ARHGEF7: variants seen among roughly 807,000 people sequenced by gnomAD.
ARHGEF7 encodes Rho guanine nucleotide exchange factor 7.
ARHGEF7 carries 33 observed loss-of-function variants against 109.8 expected under a neutral mutation model. The ratio of observed to expected loss-of-function variants is 0.30; its 90% CI spans 0.23 to 0.40. The LOEUF is 0.40. Among genes scored for constraint, ARHGEF7 ranks in the 10% least tolerant of loss-of-function variants. The pLI is 1.00. For synonymous variants in ARHGEF7, 458 were observed against 424.6 expected, an observed-to-expected ratio of 1.08 and a Z score of -0.97; for missense variants, 938 against 1,098.5, an observed-to-expected ratio of 0.85 and a Z score of 2.07.
intron 19 of ARHGEF7, chr13:111,294,115 A>T: frequency 2.0e-6 from 2 of 985,420 alleles, no homozygotes; most frequent in Non-Finnish European, 2.4e-6. Flanking sequence ...CCCAGTGTTA[A>T]TCTCCGGCAG....
intron 2 of ARHGEF7, among the ~76,000 whole-genome samples, chr13:111,199,327 T>C (rs1022727044): frequency 6.6e-6 from 1 of 152,216 alleles, no homozygotes; most frequent in Admixed American, 6.5e-5. Context: ...TGGGTCAATA[T>C]CAGCTCTTAG....
chr13:111,118,423 A>C (rs1031380893), intron 1 of ARHGEF7, among the ~76,000 whole-genome samples: 1 of 152,342 alleles, frequency 6.6e-6, no homozygotes, highest in Middle Eastern at 3.4e-3. Context: ...GAAAAGAGAC[A>C]CTTTTCATTA....
chr13:111,154,017 G>C, intron 2 of ARHGEF7, 26 bp downstream of exon 2: 1 of 1,586,126 alleles, frequency 6.3e-7, no homozygotes, highest in Non-Finnish European at 8.5e-7. Context: ...CACGGGCCGA[G>C]GGAGGGGCCG....
chr13:111,125,211 A>G (rs2067478607), intron 1 of ARHGEF7, among the ~76,000 whole-genome samples: 1 of 152,116 alleles, frequency 6.6e-6, no homozygotes, highest in African/African-American at 2.4e-5. Context: ...AAAGAGAGAG[A>G]GTGAGAATAT....
At chr13:111,232,309 ACTGT>A (rs1235670796) in intron 5 of ARHGEF7, among the ~76,000 whole-genome samples, 1 of 152,082 alleles carries the variant, frequency 6.6e-6, no homozygotes, top group Non-Finnish European at 1.5e-5. Context: ...AGACACAGAC[ACTGT>A]CTGTAGAACT....
intron 2 of ARHGEF7, among the ~76,000 whole-genome samples, chr13:111,164,259 C>T (rs756110145): frequency 6.6e-5 from 10 of 152,222 alleles, no homozygotes; most frequent in African/African-American, 1.4e-4. Context: ...TCACAGGTCC[C>T]GGCTCAGCCA....
rs562086594 is a variant in ARHGEF7, at chr13:111,278,221, C to T, written c.1506+548C>T. On this transcript the variant is annotated intron_variant, in intron 13 of 21. Coordinates refer to ENST00000646102, the MANE Select transcript of ARHGEF7 (RefSeq NM_001354046.2). ...GAAGGAGGTGCAAGGGTGAGCAGGG[C>T]CTTTTCTGTTGCGACAGTGGTTTAT... Among the ~76,000 whole-genome samples the T allele has an allele frequency of 7.9e-5, 12 of 152,264 alleles. No homozygotes were observed. In the South Asian group the frequency reaches 2.3e-3, roughly 29 times the overall value.
At chr13:111,247,303 C>T (rs951236191) in intron 8 of ARHGEF7, among the ~76,000 whole-genome samples, 2 of 150,110 alleles carry the variant, frequency 1.3e-5, no homozygotes, top group Non-Finnish European at 3.0e-5. Context: ...GAATCTTGCT[C>T]TGTTGCCCAG....
chr13:111,180,647 A>G (rs2078644991), intron 2 of ARHGEF7, among the ~76,000 whole-genome samples: 1 of 152,206 alleles, frequency 6.6e-6, no homozygotes, highest in African/African-American at 2.4e-5. Context: ...AGTGTCTAAC[A>G]TTTACTAGGT....
chr13:111,196,001 C>G (rs1392894167), intron 2 of ARHGEF7, among the ~76,000 whole-genome samples: 1 of 152,188 alleles, frequency 6.6e-6, no homozygotes, highest in East Asian at 1.9e-4. Context: ...GCTTTTGGAG[C>G]TTTCTCCTGA....
chr13:111,263,326 G>A (rs1368965794), intron 8 of ARHGEF7, among the ~76,000 whole-genome samples: 1 of 152,198 alleles, frequency 6.6e-6, no homozygotes, highest in Non-Finnish European at 1.5e-5. Flanking sequence ...TAGAGCCTAG[G>A]CTCAGTGCGG....
chr13:111,194,028 C>A (rs771308405), intron 2 of ARHGEF7, among the ~76,000 whole-genome samples: 2 of 152,170 alleles, frequency 1.3e-5, no homozygotes, highest in African/African-American at 4.8e-5. Flanking sequence ...CATGAGTAGT[C>A]CAGACAGTGA....
At position 111,269,622 on chromosome 13, in the gene ARHGEF7, G is replaced by A. The variant is rs1019029135; in HGVS notation, c.1073+1952G>A. On this transcript the variant is annotated intron_variant, in intron 9 of 21. Coordinates refer to ENST00000646102, the MANE Select transcript of ARHGEF7 (RefSeq NM_001354046.2). ...AGAGTGGAGGGGCAGGCTGAGGCCC[G>A]CTCGGGACAGCAGCCCCGGGGCAAG... is the stretch of plus-strand genomic sequence containing the variant. 1.3e-4 allele frequency among the ~76,000 whole-genome samples: 20 copies of A among 152,238 alleles called. No homozygotes were observed. In the East Asian group the frequency reaches 2.3e-3, roughly 18 times the overall value.
intron 1 of ARHGEF7, among the ~76,000 whole-genome samples, chr13:111,150,945 G>C (rs2075858601): frequency 6.6e-6 from 1 of 152,180 alleles, no homozygotes; most frequent in African/African-American, 2.4e-5. Context: ...TGAAGCAGTG[G>C]TGGAACCAAT....
At chr13:111,169,790 C>T (rs1566693331) in intron 2 of ARHGEF7, among the ~76,000 whole-genome samples, 1 of 152,172 alleles carries the variant, frequency 6.6e-6, no homozygotes, top group Non-Finnish European at 1.5e-5. Context: ...TGCTAGACAC[C>T]GTTCTAGTTG....
At chr13:111,185,169 G>C (rs962540574) in intron 2 of ARHGEF7, 3 of 152,248 alleles carry the variant, frequency 2.0e-5, no homozygotes, top group African/African-American at 4.8e-5. Context: ...ATTAGAGAGG[G>C]GTCTGGGTGC....
chr13:111,268,301 A>G (rs1430430684), intron 9 of ARHGEF7, among the ~76,000 whole-genome samples: 2 of 152,214 alleles, frequency 1.3e-5, no homozygotes, highest in African/African-American at 4.8e-5. Flanking sequence ...ACCGGGGCTT[A>G]GAGAGCTCAG....
At chr13:111,196,068 G>A (rs1425725377) in intron 2 of ARHGEF7, among the ~76,000 whole-genome samples, 1 of 152,188 alleles carries the variant, frequency 6.6e-6, no homozygotes, top group African/African-American at 2.4e-5. Context: ...ACCCTCTAGG[G>A]AGTCGGGTGA....
chr13:111,299,218 C>T (rs922846894), intron 19 of ARHGEF7, among the ~76,000 whole-genome samples: 9 of 152,136 alleles, frequency 5.9e-5, no homozygotes, highest in Non-Finnish European at 1.3e-4. Flanking sequence ...GTGGAAATAA[C>T]AGTGGTGCCC....
Sources: allele counts gnomAD v4.1 joint callset (sites outside exome capture counted in the v4.1 genomes callset), GRCh38; gene constraint gnomAD v4.1.1; transcripts MANE v1.5; gene names NCBI Gene and HGNC (gene_info 2026-07-23, HGNC 2026-07-21).